Variants in ENTREP2 observed in about 807,000 individuals in gnomAD.
The protein encoded by ENTREP2 is protein ENTREP2.
At chr15:29,490,304 T>G in the ENTREP2 span, among the ~76,000 whole-genome samples, 1 of 152,238 alleles carries the variant, frequency 6.6e-6, no homozygotes, top group Non-Finnish European at 1.5e-5. Flanking sequence ...CTGTGAGTAT[T>G]ACAGCTCTTG....
chr15:29,223,490 G>A, the ENTREP2 span, among the ~76,000 whole-genome samples: 1 of 152,112 alleles, frequency 6.6e-6, no homozygotes, highest in Non-Finnish European at 1.5e-5. Flanking sequence ...CATGCTAGCG[G>A]GGAGTCCAGT....
the ENTREP2 span, chr15:29,452,892 A>C: frequency 6.6e-6 from 1 of 152,342 alleles, no homozygotes; most frequent in African/African-American, 2.4e-5. Flanking sequence ...AGGCCTCAGG[A>C]GACCTGGTCA....
chr15:29,506,007 A>G, the ENTREP2 span, among the ~76,000 whole-genome samples: 1 of 152,120 alleles, frequency 6.6e-6, no homozygotes, highest in Non-Finnish European at 1.5e-5. Flanking sequence ...GGACGCTAAG[A>G]GCCTTGAAAA....
At chr15:29,333,122 G>C in the ENTREP2 span, among the ~76,000 whole-genome samples, 1 of 152,146 alleles carries the variant, frequency 6.6e-6, no homozygotes, top group Admixed American at 6.5e-5. Flanking sequence ...AGCAGCTAGA[G>C]CCTGAGGAGA....
chr15:29,165,654 C>T, the ENTREP2 span, among the ~76,000 whole-genome samples: 2 of 152,110 alleles, frequency 1.3e-5, no homozygotes, highest in Non-Finnish European at 2.9e-5. Flanking sequence ...TTGAACAGAC[C>T]AGTAACAAGC....
the ENTREP2 span, among the ~76,000 whole-genome samples, chr15:29,287,254 A>G: frequency 5.3e-5 from 8 of 152,152 alleles, no homozygotes; most frequent in Non-Finnish European, 8.8e-5. Flanking sequence ...GGATAAAGTC[A>G]CTTTCCTTTC....
chr15:29,655,438 T>G, the ENTREP2 span, among the ~76,000 whole-genome samples: 1 of 152,202 alleles, frequency 6.6e-6, no homozygotes, highest in Non-Finnish European at 1.5e-5. Flanking sequence ...TAAAACGCCG[T>G]TCATTTTAGC....
the ENTREP2 span, among the ~76,000 whole-genome samples, chr15:29,570,228 G>A: frequency 2.0e-5 from 3 of 151,150 alleles, no homozygotes; most frequent in Non-Finnish European, 4.4e-5. Context: ...CTGCGGGCTC[G>A]GAGGACGGCG....
chr15:29,386,813 G>A, the ENTREP2 span, among the ~76,000 whole-genome samples: 2 of 152,196 alleles, frequency 1.3e-5, no homozygotes, highest in Admixed American at 1.3e-4. Flanking sequence ...AGTTATTGGT[G>A]TATAAAAATG....
At chr15:29,591,659 A>C in the ENTREP2 span, among the ~76,000 whole-genome samples, 1 of 152,036 alleles carries the variant, frequency 6.6e-6, no homozygotes, top group Non-Finnish European at 1.5e-5. Context: ...TTTGAGAGGG[A>C]GACCCCATCT....
At chr15:29,294,216 C>T in the ENTREP2 span, among the ~76,000 whole-genome samples, 1 of 152,188 alleles carries the variant, frequency 6.6e-6, no homozygotes, top group African/African-American at 2.4e-5. Context: ...GGGGAAAGCA[C>T]ATTGACCAAT....
At chr15:29,541,445 C>A in the ENTREP2 span, among the ~76,000 whole-genome samples, 1 of 152,100 alleles carries the variant, frequency 6.6e-6, no homozygotes, top group African/African-American at 2.4e-5. Flanking sequence ...TAGTGAGGAG[C>A]ATGTAACAGA....
the ENTREP2 span, chr15:29,122,186 GC>G: frequency 1.3e-5 from 2 of 151,868 alleles, no homozygotes; most frequent in Admixed American, 1.3e-4. Flanking sequence ...CTCGTGGATG[GC>G]GCTGTTCCAC....
At chr15:29,170,438 A>G in the ENTREP2 span, among the ~76,000 whole-genome samples, 66 of 152,226 alleles carry the variant, frequency 4.3e-4, 1 homozygote, top group African/African-American at 1.6e-3. Context: ...TAAATATAGA[A>G]AAAGGTGGAA....
chr15:29,259,339 A>C, the ENTREP2 span, among the ~76,000 whole-genome samples: 2 of 152,152 alleles, frequency 1.3e-5, no homozygotes, highest in Non-Finnish European at 2.9e-5. Context: ...TTCCTTCTTG[A>C]CCAATCTCTA....
At chr15:29,415,796 G>A in the ENTREP2 span, among the ~76,000 whole-genome samples, 1 of 152,176 alleles carries the variant, frequency 6.6e-6, no homozygotes, top group South Asian at 2.1e-4. Flanking sequence ...AGCAACTTCA[G>A]CAAAGTCTCA....
At chr15:29,458,691 G>A in the ENTREP2 span, among the ~76,000 whole-genome samples, 4 of 152,168 alleles carry the variant, frequency 2.6e-5, no homozygotes, top group Non-Finnish European at 5.9e-5. Flanking sequence ...AACAATCATA[G>A]CTAATAGTAC....
chr15:29,657,214 G>A, the ENTREP2 span, among the ~76,000 whole-genome samples: 3 of 145,416 alleles, frequency 2.1e-5, no homozygotes, highest in Admixed American at 1.3e-4. Context: ...CGCCGCGCCA[G>A]CTTTTTTTTT....
the ENTREP2 span, chr15:29,376,552 A>G: frequency 2.7e-5 from 1 of 37,720 alleles, no homozygotes; most frequent in Non-Finnish European, 4.2e-5. Flanking sequence ...ACTATGGTAA[A>G]CACACACACA....
Sources: gnomAD v4.1 joint callset for allele counts (sites outside exome capture counted in the v4.1 genomes callset) on GRCh38, gnomAD v4.1.1 for gene constraint, MANE v1.5 for transcripts, NCBI Gene and HGNC (gene_info 2026-07-23, HGNC 2026-07-21) for gene names.